The following DOCK3 variants were observed in gnomAD, a reference collection of about 807,000 sequenced individuals.
The protein encoded by DOCK3 is dedicator of cytokinesis 3, also known as dedicator of cytokinesis protein 3.
A neutral mutation model predicts 265.6 loss-of-function variants in DOCK3; 60 were observed. The observed-to-expected ratio is 0.23, with a 90% CI of 0.18 to 0.28. DOCK3 has a LOEUF of 0.28. Among genes scored for constraint, DOCK3 ranks in the 10% least tolerant of loss-of-function variants. The probability of loss-of-function intolerance (pLI) is 1.00; values close to 1 mark genes in which losing one functional copy is unlikely to be tolerated. For synonymous variants in DOCK3, 881 were observed against 938.0 expected, an observed-to-expected ratio of 0.94 and a Z score of 1.11; for missense variants, 1,981 against 2,594.3, an observed-to-expected ratio of 0.76 and a Z score of 5.14.
chr3:51,312,148 G>T (rs2083101781), intron 29 of DOCK3, 69 bp downstream of exon 29: 1 of 1,393,668 alleles, frequency 7.2e-7, no homozygotes, highest in South Asian at 1.2e-5. Context: ...AAGCTCACTT[G>T]TTTTTTGCTT....
rs1354497489 is a variant in DOCK3 at position 50,782,321 on chromosome 3, C to A, written c.121+3563C>A. Among the ~76,000 whole-genome samples the A allele has an allele frequency of 2.8e-5, 3 of 107,838 alleles. No homozygotes were observed. The Admixed American group carries it at 4.1e-4, about 15-fold the overall frequency. The allele number at this position is 107,838 out of a possible 152,430, so 70.7% of individuals were successfully genotyped here. On this transcript the variant is annotated intron_variant, in intron 2 of 52. Transcript: ENST00000266037. Reference sequence around the variant, plus strand: ...TTTTTTTTTTTTTGAGACGGAGTCTCGCTCTGTCGCCCAGGCTGGAGTGCA... The same window carrying A: ...TTTTTTTTTTTTTGAGACGGAGTCTAGCTCTGTCGCCCAGGCTGGAGTGCA...
At chr3:51,220,717 A>G (rs1283859417) in intron 14 of DOCK3, among the ~76,000 whole-genome samples, 2,087 of 72,024 alleles carry the variant, frequency 0.029, 64 homozygotes, top group African/African-American at 0.083. Context: ...GTGTATATAT[A>G]TATATATATA....
At chr3:51,260,071 TG>T in intron 22 of DOCK3, 84 bp from the exon 23 acceptor site, 1 of 1,359,914 alleles carries the variant, frequency 7.4e-7, no homozygotes, top group South Asian at 1.5e-5. Flanking sequence ...TAGAAACTGC[TG>T]TTACTTTGCC....
intron 27 of DOCK3, among the ~76,000 whole-genome samples, chr3:51,291,595 A>G (rs1282602309): frequency 6.6e-6 from 1 of 152,186 alleles, no homozygotes; most frequent in African/African-American, 2.4e-5. Flanking sequence ...AAGAGCTTGA[A>G]TCAGTAATTA....
At chr3:51,225,898 C>A in intron 15 of DOCK3, 125 bp downstream of exon 15, 1 of 1,263,468 alleles carries the variant, frequency 7.9e-7, no homozygotes, top group Non-Finnish European at 1.1e-6. Context: ...TTTTCTCTGC[C>A]TTTTTCTTTC....
intron 1 of DOCK3, among the ~76,000 whole-genome samples, chr3:50,709,190 G>T (rs1003396716): frequency 6.6e-6 from 1 of 152,090 alleles, no homozygotes; most frequent in African/African-American, 2.4e-5. Context: ...TTTATTGTTG[G>T]ATTGTTCCCT....
intron 4 of DOCK3, among the ~76,000 whole-genome samples, chr3:50,903,886 G>T (rs974004781): frequency 6.6e-6 from 1 of 151,904 alleles, no homozygotes; most frequent in Admixed American, 6.6e-5. Flanking sequence ...TTTACATTAG[G>T]TATATCTCCT....
chr3:50,925,824 C>CTTTTTTTTTT (rs368819970), intron 4 of DOCK3, among the ~76,000 whole-genome samples: 2 of 88,426 alleles, frequency 2.3e-5, no homozygotes, highest in African/African-American at 5.2e-5. Context: ...TAAAACTAGT[C>CTTTTTTTTTT]TTTTTTTTTT....
intron 38 of DOCK3, among the ~76,000 whole-genome samples, chr3:51,345,402 C>T (rs2085495808): frequency 1.3e-5 from 2 of 152,102 alleles, no homozygotes; most frequent in Admixed American, 1.3e-4. Context: ...CTTGAGACTA[C>T]GAGTTTGAGA....
chr3:51,075,264 C>A, intron 6 of DOCK3, 92 bp from the exon 7 acceptor site: 1 of 1,004,504 alleles, frequency 1.0e-6, no homozygotes, highest in Non-Finnish European at 1.5e-6. Flanking sequence ...CCTCTGTCCA[C>A]AAGATGTGGC....
chr3:51,205,171 A>AAAAT (rs565449992), intron 12 of DOCK3, among the ~76,000 whole-genome samples: 10 of 151,976 alleles, frequency 6.6e-5, no homozygotes, highest in Admixed American at 2.0e-4. Flanking sequence ...TATAATAATA[A>AAAAT]AAATAAATAA....
intron 21 of DOCK3, among the ~76,000 whole-genome samples, chr3:51,239,791 A>G (rs2078526421): frequency 6.6e-6 from 1 of 152,000 alleles, no homozygotes; most frequent in Non-Finnish European, 1.5e-5. Flanking sequence ...CTGTGGGGTC[A>G]AAGGGAATAT....
intron 5 of DOCK3, among the ~76,000 whole-genome samples, chr3:50,973,262 A>G (rs2077312171): frequency 6.7e-6 from 1 of 149,680 alleles, no homozygotes; most frequent in Non-Finnish European, 1.5e-5. Context: ...AGCCTTAGGT[A>G]TATCTCCCAG....
chr3:51,263,505 G>A (rs1034149378), intron 23 of DOCK3, among the ~76,000 whole-genome samples: 4 of 152,170 alleles, frequency 2.6e-5, no homozygotes, highest in African/African-American at 4.8e-5. Flanking sequence ...TGAAGAAACT[G>A]CATCAACTAA....
chr3:50,701,284 A>G (rs1345529523), intron 1 of DOCK3, among the ~76,000 whole-genome samples: 1 of 151,906 alleles, frequency 6.6e-6, no homozygotes, highest in African/African-American at 2.4e-5. Context: ...CACCCAGCTA[A>G]TTTTTAAATT....
At chr3:50,742,298 T>A (rs1332973088) in intron 1 of DOCK3, among the ~76,000 whole-genome samples, 10 of 152,084 alleles carry the variant, frequency 6.6e-5, no homozygotes, top group Non-Finnish European at 1.5e-4. Context: ...CCTCTCCTCC[T>A]CCAAAGGAAC....
chr3:51,315,546 C>T (rs1421266232), intron 32 of DOCK3, among the ~76,000 whole-genome samples: 2 of 152,094 alleles, frequency 1.3e-5, no homozygotes, highest in Non-Finnish European at 2.9e-5. Context: ...GACTACTGCA[C>T]AGAGGGGTTG....
In DOCK3 at chr3:51,090,335, A is replaced by G. The variant is rs750047647; in HGVS notation, c.697A>G (p.Thr233Ala). 6 of 1,605,676 alleles carry G rather than the reference A, an allele frequency of 3.7e-6. No homozygotes were observed. The highest frequency in any genetic ancestry group is 4.3e-6 in the Non-Finnish European group (5 of 1,176,052). The change falls in exon 9 of 53, where the codon ACC becomes GCC. Residue 233 changes from threonine (T) to alanine (A), a missense_variant. By Grantham distance (58) the Thr-to-Ala change is moderately conservative. Coordinates refer to ENST00000266037, the MANE Select transcript of DOCK3 (RefSeq NM_004947.5). ...SFTYNTIGED[T>A]DVFFSLYDMR... ...CACTTACAATACTATTGGGGAAGAT[A>G]CCGATGTCTTCTTTTCCTTATATGA...
chr3:51,048,585 G>A (rs543638939), intron 5 of DOCK3, among the ~76,000 whole-genome samples: 3 of 152,186 alleles, frequency 2.0e-5, no homozygotes, highest in South Asian at 2.1e-4. Context: ...TGCAGGAAAC[G>A]AAGTTTGTTT....
Sources: allele counts gnomAD v4.1 joint callset (sites outside exome capture counted in the v4.1 genomes callset), GRCh38; gene constraint gnomAD v4.1.1; transcripts MANE v1.5; gene names NCBI Gene and HGNC (gene_info 2026-07-23, HGNC 2026-07-21).